The following FSHR variants were observed in gnomAD, a reference collection of about 807,000 sequenced individuals.
The protein encoded by FSHR is follicle-stimulating hormone receptor.
FSHR carries 46 observed loss-of-function variants against 52.1 expected under a neutral mutation model. The observed-to-expected ratio is 0.88, with a 90% confidence interval of 0.70 to 1.13. The LOEUF (loss-of-function observed/expected upper bound fraction) is 1.13, where lower values mean the gene tolerates loss of function less well. Among genes scored for constraint, FSHR ranks in the 50% most tolerant of loss-of-function variants. The pLI, the probability that FSHR is intolerant of heterozygous loss-of-function variation, is 0.00. For synonymous variants in FSHR, 399 were observed against 309.6 expected (o/e 1.29, Z -3.03); for missense variants, 964 against 834.6 (o/e 1.16, Z -1.91).
chr2:49,121,590 C>T (rs1325970528), intron 1 of FSHR, among the ~76,000 whole-genome samples: 3 of 152,100 alleles, frequency 2.0e-5, no homozygotes, highest in African/African-American at 7.2e-5. Flanking sequence ...AGCTGAGGTT[C>T]TGTGTATCAG....
At chr2:49,000,332 G>A (rs570738625) in intron 4 of FSHR, among the ~76,000 whole-genome samples, 1 of 152,252 alleles carries the variant, frequency 6.6e-6, no homozygotes, top group Admixed American at 6.5e-5. Context: ...TAAGTCAAAA[G>A]GGAAGTAAAC....
At chr2:49,042,088 T>A (rs1009696260) in intron 2 of FSHR, among the ~76,000 whole-genome samples, 11 of 152,280 alleles carry the variant, frequency 7.2e-5, no homozygotes, top group Admixed American at 7.2e-4. Flanking sequence ...GGGGCTACAG[T>A]GAGCTGTGAT....
chr2:49,143,743 C>G, intron 1 of FSHR, among the ~76,000 whole-genome samples: 1 of 152,110 alleles, frequency 6.6e-6, no homozygotes, highest in Admixed American at 6.6e-5. Flanking sequence ...GAATTAAAAT[C>G]TGCATTCCAC....
At chr2:49,079,979 T>C (rs1373680832) in intron 1 of FSHR, among the ~76,000 whole-genome samples, 2 of 151,998 alleles carry the variant, frequency 1.3e-5, no homozygotes, top group Admixed American at 1.3e-4. Context: ...GTAAAGTATA[T>C]AAAGAAATTT....
chr2:49,038,516 T>C (rs541448917), intron 2 of FSHR, among the ~76,000 whole-genome samples: 1 of 151,358 alleles, frequency 6.6e-6, no homozygotes, highest in South Asian at 2.1e-4. Flanking sequence ...TCCCAGCTAC[T>C]CAGGAGGCTG....
At chr2:49,115,032 C>T (rs529437669) in intron 1 of FSHR, among the ~76,000 whole-genome samples, 13 of 150,956 alleles carry the variant, frequency 8.6e-5, no homozygotes, top group Non-Finnish European at 1.9e-4. Context: ...GAACATGATC[C>T]AATGAAAGCC....
At chr2:49,129,737 T>A (rs550066524) in intron 1 of FSHR, among the ~76,000 whole-genome samples, 1 of 152,170 alleles carries the variant, frequency 6.6e-6, no homozygotes, top group Non-Finnish European at 1.5e-5. Flanking sequence ...TATGAGATAA[T>A]GTGTTATCTC....
chr2:48,996,872 A>G (rs1239402658), intron 4 of FSHR, among the ~76,000 whole-genome samples: 1 of 152,184 alleles, frequency 6.6e-6, no homozygotes, highest in African/African-American at 2.4e-5. Flanking sequence ...TCTGCAAATA[A>G]TGAGGATCAA....
At chr2:48,986,393 C>CTTTTTTTTT (rs34394877) in intron 6 of FSHR, among the ~76,000 whole-genome samples, 3 of 124,074 alleles carry the variant, frequency 2.4e-5, no homozygotes, top group East Asian at 2.4e-4. Flanking sequence ...ATTTGCCATG[C>CTTTTTTTTT]TTTTTTTTTT....
chr2:49,049,707 A>G (rs1558410885), intron 2 of FSHR, among the ~76,000 whole-genome samples: 2 of 152,066 alleles, frequency 1.3e-5, no homozygotes, highest in Admixed American at 6.6e-5. Flanking sequence ...CCTCATGGAT[A>G]AAGCGTAAGT....
At chr2:49,085,426 AACTGGC>A (rs1670341219) in intron 1 of FSHR, among the ~76,000 whole-genome samples, 1 of 152,196 alleles carries the variant, frequency 6.6e-6, no homozygotes, top group Non-Finnish European at 1.5e-5. Flanking sequence ...TCCCTTTGAA[AACTGGC>A]ACAACGAAGG....
At chr2:49,028,147 A>T (rs563632028) in intron 2 of FSHR, among the ~76,000 whole-genome samples, 8 of 152,336 alleles carry the variant, frequency 5.3e-5, no homozygotes, top group Non-Finnish European at 1.0e-4. Context: ...CATACAAGGG[A>T]CAGGGACAGT....
At chr2:49,085,964 T>TC (rs1209881687) in intron 1 of FSHR, among the ~76,000 whole-genome samples, 5 of 81,736 alleles carry the variant, frequency 6.1e-5, no homozygotes, top group African/African-American at 2.3e-4. Flanking sequence ...GGGCCTGTTG[T>TC]GGGGGGGGGG....
chr2:48,988,639 C>G (rs1245399955), intron 6 of FSHR, among the ~76,000 whole-genome samples: 1 of 152,226 alleles, frequency 6.6e-6, no homozygotes, highest in Non-Finnish European at 1.5e-5. Context: ...CCTTCCTGAT[C>G]TTTTTCTTTG....
intron 2 of FSHR, among the ~76,000 whole-genome samples, chr2:49,049,499 C>A (rs1196680018): frequency 2.6e-5 from 4 of 152,096 alleles, no homozygotes; most frequent in African/African-American, 9.6e-5. Flanking sequence ...CTTGGAGTAT[C>A]AAATGGCCAA....
chr2:49,075,001 G>A (rs922807527), intron 1 of FSHR, among the ~76,000 whole-genome samples: 1 of 152,012 alleles, frequency 6.6e-6, no homozygotes, highest in South Asian at 2.1e-4. Flanking sequence ...TCTCATAGAC[G>A]TAAAAAGTAT....
Position 49,154,359 on chromosome 2 carries a change from T to A in FSHR, c.59A>T (p.His20Leu). 1 of 1,613,612 alleles carries A rather than the reference T, an allele frequency of 6.2e-7. No individual in the cohort carries two copies. Among genetic ancestry groups the A allele is most frequent in the Non-Finnish European group, 8.5e-7 (1 of 1,179,928 alleles). Residue 20 changes from histidine to leucine, a missense_variant, in exon 1 of 10, where the codon CAT becomes CTT. By Grantham distance (99) the His-to-Leu change is moderately conservative. Coordinates refer to ENST00000406846, the MANE Select transcript of FSHR (RefSeq NM_000145.4). ...AFLSLGSGCH[H>L]RICHCSNRVF... ...CCTGTTAGAGCAGTGACAGATCCGATGATGACATCCTGAGCCCAAGCTCAG... is the reference window on the plus strand; with the variant it reads ...CCTGTTAGAGCAGTGACAGATCCGAAGATGACATCCTGAGCCCAAGCTCAG...
chr2:49,055,804 C>A (rs1030485775), intron 2 of FSHR, among the ~76,000 whole-genome samples: 2 of 151,770 alleles, frequency 1.3e-5, no homozygotes, highest in East Asian at 1.9e-4. Flanking sequence ...CTATACCCAG[C>A]AAAGCTACAT....
At chr2:49,034,847 C>G (rs1668224597) in intron 2 of FSHR, among the ~76,000 whole-genome samples, 1 of 152,128 alleles carries the variant, frequency 6.6e-6, no homozygotes, top group African/African-American at 2.4e-5. Flanking sequence ...CCTAGCATTT[C>G]TCACCCCTGG....
Sources: allele counts gnomAD v4.1 joint callset (sites outside exome capture counted in the v4.1 genomes callset), GRCh38; gene constraint gnomAD v4.1.1; transcripts MANE v1.5; gene names NCBI Gene and HGNC (gene_info 2026-07-23, HGNC 2026-07-21).